Variants in NTM observed in about 807,000 individuals in gnomAD.
The protein encoded by NTM is neurotrimin.
Under a neutral mutation model 42.1 loss-of-function variants are expected in NTM, and 13 were observed. The ratio of observed to expected loss-of-function variants is 0.31; its 90% confidence interval spans 0.20 to 0.49. The LOEUF (loss-of-function observed/expected upper bound fraction) is 0.49, where lower values mean the gene tolerates loss of function less well. NTM is among the 20% of genes least tolerant of loss of function. The probability of loss-of-function intolerance (pLI) is 0.99; values close to 1 mark genes in which losing one functional copy is unlikely to be tolerated. For missense variants in NTM, 373 were observed against 452.8 expected (o/e 0.82, Z 1.60); for synonymous variants, 187 against 179.2 (o/e 1.04, Z -0.35).
chr11:132,183,175 G>A (rs1196268472), intron 3 of NTM, among the ~76,000 whole-genome samples: 1 of 152,142 alleles, frequency 6.6e-6, no homozygotes, highest in Non-Finnish European at 1.5e-5. Context: ...GCACATAGTA[G>A]TTGCTCAGGG....
rs1478227419 is a variant in NTM, at chr11:131,681,299, TTC to T, written c.83-230263_83-230262del. Among the ~76,000 whole-genome samples the T allele has an allele frequency of 5.4e-4, 10 of 18,482 alleles. 1 individual carries two copies. The highest frequency in any genetic ancestry group is 1.1e-3 in the African/African-American group (9 of 7,964). 12.1% of individuals were successfully genotyped at this position (18,482 alleles called of 152,430 possible). A position where few individuals can be genotyped will look rare whatever the true frequency, so the allele number is the denominator to read the frequency against. On this transcript the variant is annotated intron_variant, in intron 1 of 8. Coordinates refer to ENST00000683400, the MANE Select transcript of NTM (RefSeq NM_001352005.2). ...TCCCTGTGTGTGTGAGCGTGTGTGT[TTC>T]TGTGTCTGTATGTCTGTGTGTGTGA...
chr11:131,417,364 C>T (rs1028636408), intron 1 of NTM, among the ~76,000 whole-genome samples: 4 of 152,206 alleles, frequency 2.6e-5, no homozygotes, highest in African/African-American at 4.8e-5. Flanking sequence ...ATGTGGAATG[C>T]TTTCCTGGCT....
In NTM at chr11:132,271,368, A is replaced by C. The variant is rs564782453; in HGVS notation, c.527-36321A>C. 7.2e-4 allele frequency among the ~76,000 whole-genome samples: 108 copies of C among 150,722 alleles called. 1 individual carries two copies. The highest frequency in any genetic ancestry group is 1.4e-3 in the Non-Finnish European group (91 of 67,082). The stretch of plus-strand genomic sequence containing the variant: ...ATACTGTTATGAACATTCATGTACA[A>C]GTTTTTGTGTAGACATATATTTTCT... On this transcript the variant is annotated intron_variant, in intron 4 of 8. Transcript: ENST00000683400.
intron 1 of NTM, among the ~76,000 whole-genome samples, chr11:131,807,505 G>T (rs957237739): frequency 3.3e-5 from 5 of 152,220 alleles, no homozygotes; most frequent in African/African-American, 1.2e-4. Flanking sequence ...CTGTCCCTTT[G>T]TGTCTTTACG....
intron 1 of NTM, among the ~76,000 whole-genome samples, chr11:131,490,428 A>C (rs752336237): frequency 2.6e-5 from 4 of 152,252 alleles, no homozygotes; most frequent in Non-Finnish European, 5.9e-5. Context: ...TGAAAACAAC[A>C]ACAAGTATTT....
chr11:132,044,147 CGT>C (rs567597547), intron 2 of NTM, among the ~76,000 whole-genome samples: 53 of 45,796 alleles, frequency 1.2e-3, no homozygotes, highest in Admixed American at 2.7e-3. Flanking sequence ...TGTGTATGTG[CGT>C]GTGTGTGTGT....
intron 4 of NTM, among the ~76,000 whole-genome samples, chr11:132,266,499 A>C (rs988873757): frequency 6.6e-6 from 1 of 152,222 alleles, no homozygotes; most frequent in Admixed American, 6.5e-5. Flanking sequence ...TTTTACATGA[A>C]TATAACTCTA....
At chr11:131,805,985 CAT>C (rs2092460401) in intron 1 of NTM, among the ~76,000 whole-genome samples, 1 of 152,206 alleles carries the variant, frequency 6.6e-6, no homozygotes, top group Non-Finnish European at 1.5e-5. Flanking sequence ...CACATGATAA[CAT>C]ATTTTCTATG....
At chr11:131,743,346 T>C (rs2081410766) in intron 1 of NTM, among the ~76,000 whole-genome samples, 1 of 148,208 alleles carries the variant, frequency 6.7e-6, no homozygotes, top group Non-Finnish European at 1.5e-5. Flanking sequence ...GAAGTGGAAA[T>C]AAAATGTAGA....
At chr11:131,597,131 C>T (rs898985509) in intron 1 of NTM, among the ~76,000 whole-genome samples, 4 of 152,182 alleles carry the variant, frequency 2.6e-5, no homozygotes, top group Non-Finnish European at 2.9e-5. Context: ...TTTGGCAACG[C>T]CCTCACACAC....
intron 1 of NTM, among the ~76,000 whole-genome samples, chr11:131,635,336 G>A (rs1446786668): frequency 6.6e-6 from 1 of 152,194 alleles, no homozygotes; most frequent in Non-Finnish European, 1.5e-5. Flanking sequence ...GGGATGAGAC[G>A]TGGAGGAGGC....
intron 3 of NTM, among the ~76,000 whole-genome samples, chr11:132,147,658 A>T (rs551747179): frequency 6.6e-6 from 1 of 152,212 alleles, no homozygotes; most frequent in East Asian, 1.9e-4. Flanking sequence ...GCCCCTGAGC[A>T]GCGGCATGCC....
intron 4 of NTM, among the ~76,000 whole-genome samples, chr11:132,230,802 T>C (rs1198497828): frequency 6.6e-6 from 1 of 152,120 alleles, no homozygotes; most frequent in African/African-American, 2.4e-5. Flanking sequence ...GGGAGGAGGC[T>C]CACAAGCCCA....
chr11:132,120,733 A>G lies in NTM; in HGVS notation c.168-25549A>G, dbSNP rs142464672. Among the ~76,000 whole-genome samples, 413 of 152,238 alleles carry G rather than the reference A, an allele frequency of 2.7e-3. 3 individuals are homozygous for G. Among genetic ancestry groups the G allele is most frequent in the African/African-American group, 9.2e-3 (381 of 41,548 alleles). On this transcript the variant is annotated intron_variant, in intron 2 of 8. Transcript: ENST00000683400. ...AATATCCACAGGAGTCCCCAGAGAGAGATATGCCAATAGCAAGAAAAGAGA... is the reference window on the plus strand; with the variant it reads ...AATATCCACAGGAGTCCCCAGAGAGGGATATGCCAATAGCAAGAAAAGAGA...
chr11:131,734,128 C>G (rs891525295), intron 1 of NTM, among the ~76,000 whole-genome samples: 1 of 152,130 alleles, frequency 6.6e-6, no homozygotes, highest in Non-Finnish European at 1.5e-5. Flanking sequence ...GGAGGAGAGA[C>G]AAGAGAAGAC....
intron 1 of NTM, among the ~76,000 whole-genome samples, chr11:131,523,525 A>G (rs1488237964): frequency 2.0e-5 from 3 of 152,180 alleles, no homozygotes; most frequent in Non-Finnish European, 2.9e-5. Flanking sequence ...GCAGTGGCTG[A>G]TTCCTGTAAT....
chr11:131,719,629 G>T (rs1257240567), intron 1 of NTM, among the ~76,000 whole-genome samples: 1 of 152,158 alleles, frequency 6.6e-6, no homozygotes, highest in East Asian at 1.9e-4. Flanking sequence ...ACAACAAGCT[G>T]TTTCATGCCT....
chr11:131,895,318 C>A (rs1357486473), intron 1 of NTM, among the ~76,000 whole-genome samples: 1 of 152,132 alleles, frequency 6.6e-6, no homozygotes, highest in African/African-American at 2.4e-5. Context: ...ACATTTCACC[C>A]ATACAGTGTG....
chr11:131,789,424 AAGAAG>A (rs2089861702), intron 1 of NTM, among the ~76,000 whole-genome samples: 1 of 22,078 alleles, frequency 4.5e-5, no homozygotes, highest in African/African-American at 2.2e-4. Flanking sequence ...AGAAAAAAAG[AAGAAG>A]GAAGAAGAAG....
Sources: gnomAD v4.1 joint callset for allele counts (sites outside exome capture counted in the v4.1 genomes callset) on GRCh38, gnomAD v4.1.1 for gene constraint, MANE v1.5 for transcripts, NCBI Gene and HGNC (gene_info 2026-07-23, HGNC 2026-07-21) for gene names.